The following MYO3A variants were observed in gnomAD, a reference collection of about 807,000 sequenced individuals.
The protein encoded by MYO3A is myosin IIIA.
MYO3A carries 180 observed loss-of-function variants against 192.7 expected under a neutral mutation model. The ratio of observed to expected loss-of-function variants is 0.93; its 90% CI spans 0.83 to 1.06. The LOEUF is 1.06. MYO3A is among the 50% of genes least tolerant of loss of function. MYO3A has a pLI of 0.00. For missense variants in MYO3A, 1,896 were observed against 1,905.0 expected (o/e 1.00, Z 0.09); for synonymous variants, 628 against 645.3 (o/e 0.97, Z 0.41).
At chr10:26,107,638 A>C (rs1470421746) in intron 17 of MYO3A, among the ~76,000 whole-genome samples, 1 of 152,090 alleles carries the variant, frequency 6.6e-6, no homozygotes, top group Non-Finnish European at 1.5e-5. Flanking sequence ...TTTGCTAAGA[A>C]ATTATCATGA....
chr10:26,032,686 C>T (rs974348394), intron 10 of MYO3A, among the ~76,000 whole-genome samples: 6 of 151,770 alleles, frequency 4.0e-5, no homozygotes, highest in East Asian at 3.9e-4. Context: ...CCTTATTAGG[C>T]GTGGGACTTT....
chr10:25,957,626 G>T (rs563743407), intron 4 of MYO3A, among the ~76,000 whole-genome samples: 1 of 152,098 alleles, frequency 6.6e-6, no homozygotes, highest in African/African-American at 2.4e-5. Flanking sequence ...AGATAGCTGG[G>T]TTTCATGGTA....
chr10:25,954,226 G>A (rs952881323), intron 3 of MYO3A, among the ~76,000 whole-genome samples: 1 of 151,978 alleles, frequency 6.6e-6, no homozygotes, highest in African/African-American at 2.4e-5. Context: ...TATTAATAAG[G>A]CTTTCTCTTA....
intron 32 of MYO3A, among the ~76,000 whole-genome samples, chr10:26,196,418 A>G (rs1190557129): frequency 6.6e-6 from 1 of 152,248 alleles, no homozygotes; most frequent in Admixed American, 6.5e-5. Context: ...TTACTTTGTC[A>G]TTGCACTATT....
chr10:26,128,450 A>C lies in MYO3A; in HGVS notation c.2174A>C (p.Lys725Thr). The change falls in exon 20 of 35, where the codon AAA (lysine) becomes ACA (threonine). Residue 725 changes from lysine to threonine, a missense_variant. By Grantham distance (78) the Lys-to-Thr change is moderately conservative. Coordinates refer to ENST00000642920, the MANE Select transcript of MYO3A (RefSeq NM_017433.5). ...ILDIFGFENF[K>T]KNSFEQLCIN... ...GATATATTTGGCTTTGAAAATTTCAAAAAAAATTCCTTCGAGCAGCTGTGC... is the reference window on the plus strand; with the variant it reads ...GATATATTTGGCTTTGAAAATTTCACAAAAAATTCCTTCGAGCAGCTGTGC... The C allele has an allele frequency of 6.2e-7, 1 of 1,612,920 alleles. No individual in the cohort carries two copies. The highest frequency in any genetic ancestry group is 1.1e-5 in the South Asian group (1 of 91,056).
At chr10:26,161,351 G>A (rs762809423) in intron 26 of MYO3A, among the ~76,000 whole-genome samples, 8 of 152,192 alleles carry the variant, frequency 5.3e-5, no homozygotes, top group Non-Finnish European at 1.2e-4. Context: ...CATGAACTTT[G>A]CACAAGACAC....
At chr10:25,957,612 C>T (rs1056823682) in intron 4 of MYO3A, among the ~76,000 whole-genome samples, 2 of 152,054 alleles carry the variant, frequency 1.3e-5, no homozygotes, top group Non-Finnish European at 2.9e-5. Context: ...CCCAGTAATG[C>T]AATAGATAGC....
intron 4 of MYO3A, among the ~76,000 whole-genome samples, chr10:25,960,226 A>G (rs1837838523): frequency 1.3e-5 from 2 of 152,156 alleles, no homozygotes; most frequent in South Asian, 4.1e-4. Context: ...ATAAATTTAT[A>G]TATTTCATTT....
At chr10:26,010,377 T>C (rs1258934114) in intron 6 of MYO3A, among the ~76,000 whole-genome samples, 1 of 151,744 alleles carries the variant, frequency 6.6e-6, no homozygotes, top group East Asian at 1.9e-4. Flanking sequence ...TTAACCTTGT[T>C]ATATGCAAAA....
chr10:26,140,773 A>G (rs1840115710), intron 20 of MYO3A, among the ~76,000 whole-genome samples: 2 of 152,300 alleles, frequency 1.3e-5, no homozygotes, highest in South Asian at 2.1e-4. Context: ...ATTTTCCTGA[A>G]GAAAATATAT....
intron 20 of MYO3A, among the ~76,000 whole-genome samples, chr10:26,134,849 G>A (rs960869696): frequency 3.3e-5 from 5 of 151,960 alleles, no homozygotes; most frequent in African/African-American, 4.8e-5. Context: ...CTCTACCCTG[G>A]GCAATGTTTT....
In MYO3A at chr10:26,107,481, C is replaced by CAA. The variant is rs1271959522; in HGVS notation, c.1776+10817_1776+10818dup. ...GGGCGAAAAGAGTGAAACACCATCT[C>CAA]AAAAAAAAAAAAAAAAAAAGATTAG... On this transcript the variant is annotated intron_variant, in intron 17 of 34. Coordinates refer to ENST00000642920, the MANE Select transcript of MYO3A (RefSeq NM_017433.5). Among the ~76,000 whole-genome samples the CAA allele has an allele frequency of 7.7e-4, 57 of 74,382 alleles. 1 individual carries two copies. Among genetic ancestry groups the CAA allele is most frequent in the Non-Finnish European group, 1.3e-3 (49 of 37,110 alleles). The allele number at this position is 74,382 out of a possible 152,430, so 48.8% of individuals were successfully genotyped here. A position where few individuals can be genotyped will look rare whatever the true frequency, so the allele number is the denominator to read the frequency against.
Position 25,952,062 on chromosome 10 carries a change from A to G in MYO3A, c.-17-32A>G, listed in dbSNP as rs1002852331. 6 of 1,513,896 alleles carry G rather than the reference A, an allele frequency of 4.0e-6. No homozygotes were observed. The Admixed American group carries it at 6.7e-5, about 17-fold the overall frequency. 93.8% of individuals were successfully genotyped at this position (1,513,896 alleles called of 1,614,324 possible). On this transcript the variant is annotated intron_variant, in intron 2 of 34. Transcript: ENST00000642920. ...GTGTGCCATTTGATATCCTCAATCAACTGTAGATGAAACTGTACTTCTTAT... is the reference window on the plus strand; with the variant it reads ...GTGTGCCATTTGATATCCTCAATCAGCTGTAGATGAAACTGTACTTCTTAT...
At chr10:25,994,919 C>G (rs926062752) in intron 4 of MYO3A, among the ~76,000 whole-genome samples, 5 of 152,198 alleles carry the variant, frequency 3.3e-5, no homozygotes, top group Non-Finnish European at 1.5e-5. Context: ...GTAACCCGAT[C>G]TTTCTCTCTG....
intron 14 of MYO3A, among the ~76,000 whole-genome samples, chr10:26,087,906 G>A (rs1836438423): frequency 6.6e-6 from 1 of 152,214 alleles, no homozygotes; most frequent in South Asian, 2.1e-4. Context: ...AGAATGACAG[G>A]TGTACTTCAA....
chr10:25,959,237 A>G (rs977143313), intron 4 of MYO3A, among the ~76,000 whole-genome samples: 1 of 152,070 alleles, frequency 6.6e-6, no homozygotes, highest in East Asian at 1.9e-4. Context: ...GTATGTTTAA[A>G]TTTGTTGACA....
intron 20 of MYO3A, 120 bp downstream of exon 20, chr10:26,128,658 A>G (rs1839360914): frequency 9.3e-7 from 1 of 1,074,140 alleles, no homozygotes; most frequent in Non-Finnish European, 1.3e-6. Flanking sequence ...AAGACAAAAG[A>G]TTTTTATTAT....
intron 15 of MYO3A, among the ~76,000 whole-genome samples, chr10:26,092,196 G>A (rs1052029501): frequency 6.6e-5 from 10 of 152,204 alleles, no homozygotes; most frequent in Non-Finnish European, 1.3e-4. Context: ...GGCCGGGTGC[G>A]GTGGCTCACG....
chr10:25,986,111 A>C (rs1839636474), intron 4 of MYO3A, among the ~76,000 whole-genome samples: 1 of 152,222 alleles, frequency 6.6e-6, no homozygotes, highest in Admixed American at 6.5e-5. Context: ...TAATTACATG[A>C]TCATCTCAAT....
Sources: gnomAD v4.1 joint callset for allele counts (sites outside exome capture counted in the v4.1 genomes callset) on GRCh38, gnomAD v4.1.1 for gene constraint, MANE v1.5 for transcripts, NCBI Gene and HGNC (gene_info 2026-07-23, HGNC 2026-07-21) for gene names.